The following SAMMSON variants were observed in gnomAD, a reference collection of about 807,000 sequenced individuals.
The protein encoded by SAMMSON is survival associated mitochondrial melanoma specific oncogenic non-coding RNA, also known as long intergenic non-protein coding RNA 1212.
chr3:70,271,811 T>G (rs539689457), intron 6 of SAMMSON: 1 of 152,282 alleles, frequency 6.6e-6, no homozygotes, highest in Non-Finnish European at 1.5e-5. Flanking sequence ...TCACCTAAGC[T>G]GGAGTGGAAT....
intron 4 of SAMMSON, among the ~76,000 whole-genome samples, chr3:70,225,053 T>G (rs1701490755): frequency 6.6e-6 from 1 of 152,200 alleles, no homozygotes; most frequent in African/African-American, 2.4e-5. Context: ...AATATATTTC[T>G]CTAATATATC....
chr3:70,394,503 G>A (rs1372065569), downstream of SAMMSON, among the ~76,000 whole-genome samples: 2 of 152,030 alleles, frequency 1.3e-5, no homozygotes, highest in Admixed American at 6.6e-5. Context: ...ATGATGACAC[G>A]GCAGTTACCA....
At chr3:70,196,818 A>G (rs1701186225) in intron 4 of SAMMSON, 2 of 397,382 alleles carry the variant, frequency 5.0e-6, no homozygotes, top group East Asian at 7.1e-5. Flanking sequence ...TATAGCATCC[A>G]AGAAATGTGT....
intron 3 of SAMMSON, among the ~76,000 whole-genome samples, chr3:70,017,032 C>T (rs1243764665): frequency 1.3e-5 from 2 of 152,224 alleles, no homozygotes; most frequent in East Asian, 3.9e-4. Context: ...ATGCCTCCAG[C>T]TTTGTTCTTT....
chr3:70,246,822 T>G (rs780251903), intron 4 of SAMMSON, among the ~76,000 whole-genome samples: 1 of 152,076 alleles, frequency 6.6e-6, no homozygotes, highest in Non-Finnish European at 1.5e-5. Context: ...TAGACCTTTA[T>G]TTTTTGTCAC....
At chr3:70,237,977 A>ATATTTTTTTTTTTTT (rs1251005797) in intron 4 of SAMMSON, among the ~76,000 whole-genome samples, 1 of 13,008 alleles carries the variant, frequency 7.7e-5, no homozygotes, top group African/African-American at 4.9e-4. Flanking sequence ...ATTGAGTGGT[A>ATATTTTTTTTTTTTT]TCTTTTTTTT....
At chr3:70,382,345 C>T (rs1703076863) in intron 9 of SAMMSON, among the ~76,000 whole-genome samples, 1 of 152,086 alleles carries the variant, frequency 6.6e-6, no homozygotes, top group Non-Finnish European at 1.5e-5. Context: ...CATATATCCC[C>T]TTCCTAACTC....
chr3:70,088,603 G>A (rs2067294192), intron 4 of SAMMSON, among the ~76,000 whole-genome samples: 2 of 152,184 alleles, frequency 1.3e-5, no homozygotes, highest in South Asian at 4.1e-4. Flanking sequence ...GAGAAGGTGA[G>A]ACGGTAGCTG....
intron 4 of SAMMSON, among the ~76,000 whole-genome samples, chr3:70,078,634 A>G (rs1172528554): frequency 6.6e-6 from 1 of 152,118 alleles, no homozygotes; most frequent in Non-Finnish European, 1.5e-5. Context: ...TGTGTGTTAA[A>G]TCCCTTTCTG....
chr3:70,392,383 C>T (rs1204379130), downstream of SAMMSON, among the ~76,000 whole-genome samples: 1 of 152,130 alleles, frequency 6.6e-6, no homozygotes, highest in African/African-American at 2.4e-5. Flanking sequence ...AAGGCACAAG[C>T]CTGGCTTTAC....
intron 4 of SAMMSON, among the ~76,000 whole-genome samples, chr3:70,160,742 T>A (rs1474728205): frequency 1.3e-5 from 2 of 152,062 alleles, no homozygotes; most frequent in Non-Finnish European, 2.9e-5. Context: ...AAAAGCCTGA[T>A]GAAAATTTGA....
At chr3:70,382,582 C>T (rs746831287) in intron 9 of SAMMSON, among the ~76,000 whole-genome samples, 26 of 151,908 alleles carry the variant, frequency 1.7e-4, no homozygotes, top group Non-Finnish European at 2.4e-4. Flanking sequence ...GATCATGGCT[C>T]TCCCTGGATG....
At chr3:70,099,657 T>C (rs2067335240) in intron 4 of SAMMSON, among the ~76,000 whole-genome samples, 1 of 152,224 alleles carries the variant, frequency 6.6e-6, no homozygotes, top group African/African-American at 2.4e-5. Context: ...TTGTTCTTTG[T>C]TGCCTTCAGT....
chr3:70,093,575 C>T (rs1177209997), intron 4 of SAMMSON, among the ~76,000 whole-genome samples: 2 of 152,154 alleles, frequency 1.3e-5, no homozygotes, highest in African/African-American at 2.4e-5. Flanking sequence ...ACATGGTGCA[C>T]ACAGGTCTCC....
chr3:70,025,021 C>T (rs1347809129), intron 3 of SAMMSON: 1 of 152,094 alleles, frequency 6.6e-6, no homozygotes, highest in South Asian at 2.1e-4. Flanking sequence ...AGGCCTTGAG[C>T]TTCCTGTAGA....
intron 9 of SAMMSON, among the ~76,000 whole-genome samples, chr3:70,386,891 A>G (rs766384950): frequency 2.4e-4 from 37 of 152,088 alleles, no homozygotes; most frequent in Admixed American, 6.6e-4. Flanking sequence ...CTCTGTTGGG[A>G]TGTATTTCAG....
chr3:70,056,194 T>TA (rs1252755362), intron 3 of SAMMSON, among the ~76,000 whole-genome samples: 10 of 152,194 alleles, frequency 6.6e-5, no homozygotes, highest in Admixed American at 5.2e-4. Context: ...TTTACTAATC[T>TA]CAAATTTGAT....
At position 70,202,586 on chromosome 3, in the gene SAMMSON, C is replaced by T. The variant is rs139677027; in HGVS notation, n.508-46521C>T. ...CACTGCTATTGAAGTGCCCACCTGG[C>T]TTTCCTATTCCTTAAACCTGAATTA... On this transcript the variant is annotated intron_variant and non_coding_transcript_variant, in intron 4 of 9. Coordinates refer to ENST00000642114, the Ensembl canonical transcript of SAMMSON. 9.1e-3 allele frequency among the ~76,000 whole-genome samples: 1,391 copies of T among 152,254 alleles called. 18 individuals are homozygous for T. The highest frequency in any genetic ancestry group is 0.032 in the African/African-American group (1,310 of 41,550).
At chr3:70,415,624 GTAATATGTTC>G (rs1336874766) in intron 2 of SAMMSON, among the ~76,000 whole-genome samples, 4 of 152,072 alleles carry the variant, frequency 2.6e-5, no homozygotes, top group African/African-American at 9.7e-5. Flanking sequence ...TTTCAATATG[GTAATATGTTC>G]TAACAATTGT....
Sources: gnomAD v4.1 joint callset for allele counts (sites outside exome capture counted in the v4.1 genomes callset) on GRCh38, gnomAD v4.1.1 for gene constraint, MANE v1.5 for transcripts, NCBI Gene and HGNC (gene_info 2026-07-23, HGNC 2026-07-21) for gene names.